Variants in ZRANB3 observed in about 807,000 individuals in gnomAD.
ZRANB3 encodes the protein zinc finger RANBP2-type containing 3.
Under a neutral mutation model 133.8 loss-of-function variants are expected in ZRANB3, and 125 were observed. The ratio of observed to expected loss-of-function variants is 0.93; its 90% CI spans 0.81 to 1.08. ZRANB3 has a LOEUF of 1.08. ZRANB3 is among the 50% of genes least tolerant of loss of function. The pLI is 0.00. For synonymous variants in ZRANB3, 387 were observed against 432.7 expected (o/e 0.89, Z 1.31); for missense variants, 1,229 against 1,275.5 (o/e 0.96, Z 0.56).
intron 8 of ZRANB3, among the ~76,000 whole-genome samples, chr2:135,283,873 T>C (rs1681217317): frequency 6.6e-6 from 1 of 151,566 alleles, no homozygotes; most frequent in African/African-American, 2.4e-5. Context: ...TCCCAGCTAG[T>C]CAGGAGGCTG....
intron 6 of ZRANB3, among the ~76,000 whole-genome samples, chr2:135,328,633 G>A (rs774928462): frequency 4.6e-5 from 7 of 152,102 alleles, no homozygotes; most frequent in Non-Finnish European, 7.4e-5. Flanking sequence ...TTGAGGAATC[G>A]CCACACTGTC....
chr2:135,505,525 G>T (rs1165759001), intron 1 of ZRANB3, among the ~76,000 whole-genome samples: 1 of 151,740 alleles, frequency 6.6e-6, no homozygotes, highest in African/African-American at 2.4e-5. Flanking sequence ...AGTGAGCCAA[G>T]ATCATGCCAC....
chr2:135,337,375 A>G (rs1251440933), intron 6 of ZRANB3, among the ~76,000 whole-genome samples: 2 of 152,222 alleles, frequency 1.3e-5, no homozygotes, highest in Non-Finnish European at 2.9e-5. Flanking sequence ...CCATCAGGGA[A>G]AAAGGATACA....
At chr2:135,378,602 G>A (rs1414968749) in intron 3 of ZRANB3, among the ~76,000 whole-genome samples, 7 of 152,078 alleles carry the variant, frequency 4.6e-5, no homozygotes, top group Non-Finnish European at 8.8e-5. Context: ...GGGGGGAAAT[G>A]AGTAACTATA....
intron 3 of ZRANB3, among the ~76,000 whole-genome samples, chr2:135,385,931 G>C (rs1686950343): frequency 6.6e-6 from 1 of 152,036 alleles, no homozygotes; most frequent in Middle Eastern, 3.2e-3. Flanking sequence ...CAGAGGCATG[G>C]GCAAGGACTT....
intron 2 of ZRANB3, among the ~76,000 whole-genome samples, chr2:135,498,216 T>G (rs1692769194): frequency 6.6e-6 from 1 of 152,158 alleles, no homozygotes; most frequent in African/African-American, 2.4e-5. Flanking sequence ...GGAAATCTCT[T>G]CATGACTTTG....
At chr2:135,239,757 G>A (rs1474942333) in intron 12 of ZRANB3, among the ~76,000 whole-genome samples, 1 of 151,598 alleles carries the variant, frequency 6.6e-6, no homozygotes, top group Non-Finnish European at 1.5e-5. Context: ...GGGAAGCTGA[G>A]GCGGGTGGAT....
chr2:135,516,035 C>T (rs1034699640), intron 1 of ZRANB3, among the ~76,000 whole-genome samples: 2 of 151,930 alleles, frequency 1.3e-5, no homozygotes, highest in Non-Finnish European at 2.9e-5. Flanking sequence ...TTATGTAATG[C>T]CCTTATCTCT....
chr2:135,526,157 A>ATTTTTTTTTTTTTTTTTTTTTTTTTTTTT (rs993714638), intron 1 of ZRANB3, among the ~76,000 whole-genome samples: 1 of 108,078 alleles, frequency 9.3e-6, no homozygotes, highest in Non-Finnish European at 1.8e-5. Flanking sequence ...CTAAGCTATG[A>ATTTTTTTTTTTTTTTTTTTTTTTTTTTTT]TTTTTTTTTT....
intron 2 of ZRANB3, among the ~76,000 whole-genome samples, chr2:135,396,689 G>A (rs1187827613): frequency 6.6e-6 from 1 of 152,052 alleles, no homozygotes; most frequent in African/African-American, 2.4e-5. Flanking sequence ...GGGGTAGGGG[G>A]AAAGTCGGGA....
intron 2 of ZRANB3, among the ~76,000 whole-genome samples, chr2:135,468,011 CCTTTT>C (rs1338754143): frequency 1.3e-4 from 20 of 152,132 alleles, no homozygotes; most frequent in African/African-American, 9.7e-5. Context: ...CACATAGTTA[CCTTTT>C]CTTTATAAAG....
chr2:135,219,135 T>G lies in ZRANB3; in HGVS notation c.2294A>C (p.Lys765Thr). ...TGGTAAATCTTCCCAAAGGTCTAATTTTATATCCAGAGGAATGAAATTACA... is the reference window on the plus strand; with the variant it reads ...TGGTAAATCTTCCCAAAGGTCTAATGTTATATCCAGAGGAATGAAATTACA... Reference protein sequence around the residue: ...MSCNFIPLDIKLDLWEDLPAS... With the variant: ...MSCNFIPLDITLDLWEDLPAS... Residue 765 changes from lysine to threonine, a missense_variant, in exon 16 of 21, where the codon AAA becomes ACA. Coordinates refer to ENST00000264159, the MANE Select transcript of ZRANB3 (RefSeq NM_032143.4). 6.5e-7 allele frequency: 1 copy of G among 1,542,406 alleles called. No homozygotes were observed. The highest frequency in any genetic ancestry group is 8.7e-7 in the Non-Finnish European group (1 of 1,149,138).
chr2:135,427,128 G>T (rs1689129865), intron 2 of ZRANB3, among the ~76,000 whole-genome samples: 1 of 151,378 alleles, frequency 6.6e-6, no homozygotes, highest in Non-Finnish European at 1.5e-5. Context: ...GGCAAAAGCT[G>T]GAAGCATTCC....
At chr2:135,464,176 T>C (rs900475971) in intron 2 of ZRANB3, among the ~76,000 whole-genome samples, 1 of 152,208 alleles carries the variant, frequency 6.6e-6, no homozygotes, top group African/African-American at 2.4e-5. Flanking sequence ...CAGAGGAACA[T>C]AGGCTTTTAT....
At chr2:135,495,814 C>T (rs1229099350) in intron 2 of ZRANB3, among the ~76,000 whole-genome samples, 1 of 152,104 alleles carries the variant, frequency 6.6e-6, no homozygotes, top group Non-Finnish European at 1.5e-5. Flanking sequence ...TTTGAAAACA[C>T]AGGGGTATTC....
intron 2 of ZRANB3, among the ~76,000 whole-genome samples, chr2:135,399,226 AG>A (rs1265791362): frequency 6.6e-6 from 1 of 152,198 alleles, no homozygotes; most frequent in African/African-American, 2.4e-5. Context: ...CCTTCCGAGA[AG>A]CAACCTCTGG....
intron 2 of ZRANB3, among the ~76,000 whole-genome samples, chr2:135,445,441 T>A (rs1209471118): frequency 2.0e-5 from 3 of 151,860 alleles, no homozygotes; most frequent in Admixed American, 1.3e-4. Context: ...AAACTCCATC[T>A]AAATAAATAA....
intron 2 of ZRANB3, among the ~76,000 whole-genome samples, chr2:135,405,752 A>G (rs1479778504): frequency 6.6e-6 from 1 of 152,238 alleles, no homozygotes; most frequent in South Asian, 2.1e-4. Flanking sequence ...GGCAGAGATC[A>G]AGATGTTCTT....
chr2:135,494,146 G>A (rs1692546968), intron 2 of ZRANB3, among the ~76,000 whole-genome samples: 1 of 97,768 alleles, frequency 1.0e-5, no homozygotes, highest in Non-Finnish European at 1.9e-5. Flanking sequence ...GGGAAGGAAG[G>A]AAGGAAGGAA....
Sources: allele counts gnomAD v4.1 joint callset (sites outside exome capture counted in the v4.1 genomes callset), GRCh38; gene constraint gnomAD v4.1.1; transcripts MANE v1.5; gene names NCBI Gene and HGNC (gene_info 2026-07-23, HGNC 2026-07-21).